The following L1TD1 variants were observed in gnomAD, a reference collection of about 807,000 sequenced individuals.
L1TD1 encodes LINE-1 type transposase domain-containing protein 1.
A neutral mutation model predicts 25.7 loss-of-function variants in L1TD1; 26 were observed. The observed-to-expected ratio is 1.01, with a 90% CI of 0.74 to 1.40. L1TD1 has a LOEUF of 1.40. Ranked by LOEUF, L1TD1 falls within the 40% of genes most tolerant of loss-of-function variation. The probability of loss-of-function intolerance (pLI) is 0.00; values close to 1 mark genes in which losing one functional copy is unlikely to be tolerated. For synonymous variants in L1TD1, 421 were observed against 335.6 expected (o/e 1.25, Z -2.78); for missense variants, 1,130 against 975.0 (o/e 1.16, Z -2.12).
rs1670752949 is a variant in L1TD1 at position 62,206,742 on chromosome 1, T to C, written c.114T>C (p.Ala38=). ...TAACAGAAACTGATAAGGACATAGC[T>C]CCGGTATTAGATTTAAAATGCAAGG... ...EQLTETDKDI[A]PVLDLKCKDV... The change falls in exon 3 of 4, where the codon GCT becomes GCC. Residue 38 remains alanine (A), a synonymous_variant. Transcript: ENST00000498273. 3.2e-6 allele frequency: 5 copies of C among 1,552,030 alleles called. No individual in the cohort carries two copies. The highest frequency in any genetic ancestry group is 8.7e-7 in the Non-Finnish European group (1 of 1,147,148).
At chr1:62,199,366 C>T (rs1039364472) in intron 2 of L1TD1, among the ~76,000 whole-genome samples, 4 of 151,876 alleles carry the variant, frequency 2.6e-5, no homozygotes, top group South Asian at 2.1e-4. Flanking sequence ...GGCATGGTGG[C>T]GTGTGCCTGT....
chr1:62,196,114 T>A (rs1054331734), intron 1 of L1TD1, among the ~76,000 whole-genome samples: 2 of 152,150 alleles, frequency 1.3e-5, no homozygotes, highest in South Asian at 4.1e-4. Flanking sequence ...TTCTTCAATT[T>A]CCTCCGATTG....
chr1:62,201,464 C>G (rs1032784594), intron 2 of L1TD1, among the ~76,000 whole-genome samples: 1 of 145,310 alleles, frequency 6.9e-6, no homozygotes, highest in African/African-American at 2.5e-5. Context: ...CCACTGCACT[C>G]CAACCTCGGC....
chr1:62,200,846 C>T (rs12137088), intron 2 of L1TD1, among the ~76,000 whole-genome samples: 109,619 of 152,026 alleles, frequency 0.72, 39,605 homozygotes, highest in Admixed American at 0.78. Context: ...ATTGGGCCAC[C>T]TTTCACATGT....
At chr1:62,198,516 AC>A (rs1350849566) in intron 2 of L1TD1, among the ~76,000 whole-genome samples, 1 of 145,336 alleles carries the variant, frequency 6.9e-6, no homozygotes, top group South Asian at 2.2e-4. Context: ...ACACACACCG[AC>A]CCCCCGCCGC....
intron 2 of L1TD1, among the ~76,000 whole-genome samples, chr1:62,196,952 GC>G (rs1414365815): frequency 6.6e-6 from 1 of 152,020 alleles, no homozygotes; most frequent in East Asian, 1.9e-4. Flanking sequence ...AAAGAAATGA[GC>G]CCTACTTATA....
At position 62,210,451 on chromosome 1, in the gene L1TD1, A is replaced by G. The variant is rs764578131; in HGVS notation, c.1677A>G (p.Ser559=). ...TGACCTTATGTTTGGCCTCTCCCTC[A>G]AAGTCACTAGAGATGAGTCATGATG... ...PCLTLCLASP[S]KSLEMSHDEH... Residue 559 remains serine, a synonymous_variant, in exon 4 of 4, where the codon TCA becomes TCG. Transcript: ENST00000498273. The G allele has an allele frequency of 1.2e-6, 2 of 1,614,188 alleles. No homozygotes were observed. The highest frequency in any genetic ancestry group is 2.2e-5 in the South Asian group (2 of 91,080).
intron 2 of L1TD1, among the ~76,000 whole-genome samples, chr1:62,204,200 TTCTC>T (rs764145347): frequency 1.3e-5 from 2 of 152,198 alleles, no homozygotes; most frequent in Admixed American, 6.6e-5. Context: ...GTTTTGTTAA[TTCTC>T]TATAAGTTTC....
chr1:62,208,578 CAAGT>C (rs1670798057), intron 3 of L1TD1: 1 of 147,304 alleles, frequency 6.8e-6, no homozygotes, highest in Non-Finnish European at 1.5e-5. Context: ...CTCCCAGGCT[CAAGT>C]AATCCTCCTA....
chr1:62,210,289 A>T lies in L1TD1; in HGVS notation c.1515A>T (p.Arg505Ser). The T allele has an allele frequency of 6.2e-7, 1 of 1,614,166 alleles. No individual in the cohort carries two copies. The highest frequency in any genetic ancestry group is 1.1e-5 in the South Asian group (1 of 91,078). The part of the protein sequence containing the change: ...TSLTEKKASR[R>S]QKEIPFSYLV... ...TGACTGAGAAAAAAGCCTCACGTAGACAAAAAGAAATTCCCTTTAGTTATT... is the reference window on the plus strand; with the variant it reads ...TGACTGAGAAAAAAGCCTCACGTAGTCAAAAAGAAATTCCCTTTAGTTATT... The change falls in exon 4 of 4, where the codon AGA becomes AGT. Residue 505 changes from arginine (R) to serine (S), a missense_variant. Coordinates refer to ENST00000498273, the MANE Select transcript of L1TD1 (RefSeq NM_019079.5).
chr1:62,196,219 C>T (rs575449653), intron 1 of L1TD1, among the ~76,000 whole-genome samples: 6 of 152,120 alleles, frequency 3.9e-5, no homozygotes, highest in Non-Finnish European at 7.3e-5. Flanking sequence ...CCATTCTCTC[C>T]GGCCCCTCCC....
chr1:62,195,859 G>GA (rs397756522), intron 1 of L1TD1, among the ~76,000 whole-genome samples: 3 of 150,694 alleles, frequency 2.0e-5, no homozygotes, highest in Admixed American at 6.6e-5. Context: ...GCCAACTTGG[G>GA]AAACCCCGTC....
At chr1:62,198,393 C>T (rs1347700591) in intron 2 of L1TD1, among the ~76,000 whole-genome samples, 1 of 151,440 alleles carries the variant, frequency 6.6e-6, no homozygotes, top group Non-Finnish European at 1.5e-5. Context: ...TTTGGGTGGC[C>T]TCAGAGGTCA....
At chr1:62,208,265 A>T (rs1670790161) in intron 3 of L1TD1, 1 of 152,308 alleles carries the variant, frequency 6.6e-6, no homozygotes, top group Admixed American at 6.6e-5. Flanking sequence ...ACCTTGAACA[A>T]CTCCGTGGTG....
rs774479103 is a variant in L1TD1 at position 62,206,936 on chromosome 1, A to G, written c.308A>G (p.Gln103Arg). The G allele has an allele frequency of 1.2e-6, 2 of 1,613,938 alleles. No homozygotes were observed. Among genetic ancestry groups the G allele is most frequent in the South Asian group, 2.2e-5 (2 of 91,046 alleles). ...AACTCCAGTAGTAGGACAGAGTTTC[A>G]GCAAATAATCAATTTAGCATTACAA... ...SENSSSRTEF[Q>R]QIINLALQKT... The change falls in exon 3 of 4, where the codon CAG (glutamine) becomes CGG (arginine). Residue 103 changes from glutamine to arginine, a missense_variant. Physicochemically the swap from Gln to Arg is conservative, Grantham distance 43. Transcript: ENST00000498273.
In L1TD1 at chr1:62,205,441, A is replaced by ATTT. The variant is rs1447667211; in HGVS notation, c.-110-1077_-110-1076insTTT. On this transcript the variant is annotated intron_variant, in intron 2 of 3. Coordinates refer to ENST00000498273, the MANE Select transcript of L1TD1 (RefSeq NM_019079.5). ...TCTATATATATATATATATATATAT[A>ATTT]TATTTTTTTTTAGACAGTCTTGCTG... 6.3e-4 allele frequency among the ~76,000 whole-genome samples: 34 copies of ATTT among 53,864 alleles called. 2 individuals are homozygous for ATTT. Among genetic ancestry groups the ATTT allele is most frequent in the Non-Finnish European group, 8.5e-4 (23 of 26,940 alleles). The allele number at this position is 53,864 out of a possible 152,430, so 35.3% of individuals were successfully genotyped here. A position where few individuals can be genotyped will look rare whatever the true frequency, so the allele number is the denominator to read the frequency against.
At position 62,211,278 on chromosome 1, in the gene L1TD1, G is replaced by T; in HGVS notation, c.2504G>T (p.Gly835Val). 1 of 1,611,534 alleles carries T rather than the reference G, an allele frequency of 6.2e-7. No homozygotes were observed. Among genetic ancestry groups the T allele is most frequent in the Non-Finnish European group, 8.5e-7 (1 of 1,178,562 alleles). ...YPAKMAFDFRGKTKVFLSIEE... is the reference protein window; with the variant it reads ...YPAKMAFDFRVKTKVFLSIEE... ...GCCAAAATGGCATTTGATTTTAGGG[G>T]TAAAACAAAGGTATTTCTTAGTATT... The change falls in exon 4 of 4, where the codon GGT becomes GTT. Residue 835 changes from glycine to valine, a missense_variant. Physicochemically the swap from Gly to Val is moderately radical, Grantham distance 109 (BLOSUM62 -3). Transcript: ENST00000498273.
At chr1:62,209,714 T>G (rs1670818865) in intron 3 of L1TD1, 69 bp from the exon 4 acceptor site, 2 of 1,256,514 alleles carry the variant, frequency 1.6e-6, no homozygotes, top group African/African-American at 3.1e-5. Context: ...GAAATTGAAA[T>G]TTTAATTCTT....
chr1:62,207,649 A>G lies in L1TD1; in HGVS notation c.1008+13A>G, dbSNP rs775082896. On this transcript the variant is annotated intron_variant, in intron 3 of 3. Transcript: ENST00000498273. ...TCAAGAAAAAAGGGTAAGCATACAA[A>G]TGTATAAATGTATAAAGCTTATGTA... is the stretch of plus-strand genomic sequence containing the variant. The G allele has an allele frequency of 1.3e-6, 2 of 1,499,802 alleles. No individual in the cohort carries two copies. The highest frequency in any genetic ancestry group is 1.3e-5 in the South Asian group (1 of 75,240). 92.9% of individuals were successfully genotyped at this position (1,499,802 alleles called of 1,614,324 possible). A position where few individuals can be genotyped will look rare whatever the true frequency, so the allele number is the denominator to read the frequency against.
Sources: gnomAD v4.1 joint callset for allele counts (sites outside exome capture counted in the v4.1 genomes callset) on GRCh38, gnomAD v4.1.1 for gene constraint, MANE v1.5 for transcripts, NCBI Gene and HGNC (gene_info 2026-07-23, HGNC 2026-07-21) for gene names.